The following SLIT2 variants were observed in gnomAD, a reference collection of about 807,000 sequenced individuals.
SLIT2 encodes slit homolog 2 protein.
SLIT2 carries 41 observed loss-of-function variants against 185.7 expected under a neutral mutation model. That is an observed-to-expected ratio of 0.22 (90% CI 0.17 to 0.29). SLIT2 has a LOEUF of 0.29. Among genes scored for constraint, SLIT2 ranks in the 10% least tolerant of loss-of-function variants. SLIT2 has a pLI of 1.00. For synonymous variants in SLIT2, 693 were observed against 680.2 expected, an observed-to-expected ratio of 1.02 and a Z score of -0.29; for missense variants, 1,571 against 1,909.0, an observed-to-expected ratio of 0.82 and a Z score of 3.30.
intron 4 of SLIT2, among the ~76,000 whole-genome samples, chr4:20,348,098 G>GTATT (rs1721575155): frequency 6.6e-6 from 1 of 152,112 alleles, no homozygotes; most frequent in Non-Finnish European, 1.5e-5. Flanking sequence ...ATGTATTTAC[G>GTATT]TATTTATTTA....
At chr4:20,498,362 C>A (rs563777639) in intron 9 of SLIT2, among the ~76,000 whole-genome samples, 8 of 152,276 alleles carry the variant, frequency 5.3e-5, no homozygotes, top group African/African-American at 1.7e-4. Context: ...AAACCTTATT[C>A]TTCAATAGTT....
At chr4:20,552,619 A>C (rs1412404782) in intron 25 of SLIT2, 1 of 152,126 alleles carries the variant, frequency 6.6e-6, no homozygotes, top group Non-Finnish European at 1.5e-5. Flanking sequence ...AAGGGTTTGA[A>C]TCTGACATAC....
intron 12 of SLIT2, 141 bp from the exon 13 acceptor site, chr4:20,523,619 C>T (rs927841205): frequency 1.8e-5 from 12 of 676,356 alleles, no homozygotes; most frequent in Non-Finnish European, 2.8e-5. Flanking sequence ...GCCTCTAATT[C>T]CTAAATTATT....
At position 20,251,934 on chromosome 4, in the gene SLIT2, G is replaced by A. The variant is rs1722071266; in HGVS notation, c.-1882G>A. Among the ~76,000 whole-genome samples, 2 of 152,156 alleles carry A rather than the reference G, an allele frequency of 1.3e-5. No homozygotes were observed. Reference sequence around the variant, plus strand: ...GGTGTTATTTATTTGGGAAGCGCCCGGACGGCGGAGCTTGGCGGCGGCGGT... The same window carrying A: ...GGTGTTATTTATTTGGGAAGCGCCCAGACGGCGGAGCTTGGCGGCGGCGGT... On this transcript the variant is annotated 5_prime_UTR_variant, in exon 1 of 37. Coordinates refer to ENST00000504154, the MANE Select transcript of SLIT2 (RefSeq NM_004787.4).
At chr4:20,517,838 A>G (rs921101658) in intron 11 of SLIT2, among the ~76,000 whole-genome samples, 2 of 152,046 alleles carry the variant, frequency 1.3e-5, no homozygotes, top group African/African-American at 2.4e-5. Flanking sequence ...AAAAGAGATT[A>G]TATACTGCTG....
chr4:20,509,130 C>G (rs1272781261), intron 9 of SLIT2, among the ~76,000 whole-genome samples: 3 of 151,056 alleles, frequency 2.0e-5, no homozygotes, highest in Non-Finnish European at 4.4e-5. Context: ...GATATTTATT[C>G]ATATTTAAAT....
intron 6 of SLIT2, among the ~76,000 whole-genome samples, chr4:20,481,038 A>T (rs563394922): frequency 6.6e-6 from 1 of 152,070 alleles, no homozygotes; most frequent in Non-Finnish European, 1.5e-5. Context: ...TTTTTATGAG[A>T]TTCATAGAAT....
intron 11 of SLIT2, among the ~76,000 whole-genome samples, chr4:20,513,996 A>C (rs970098025): frequency 6.6e-6 from 1 of 152,166 alleles, no homozygotes; most frequent in Non-Finnish European, 1.5e-5. Context: ...CAGGTCTGAG[A>C]CACTATAATT....
intron 26 of SLIT2, among the ~76,000 whole-genome samples, chr4:20,560,436 TTTAA>T (rs1393104489): frequency 6.6e-6 from 1 of 151,960 alleles, no homozygotes; most frequent in Non-Finnish European, 1.5e-5. Context: ...TCAGATCATA[TTTAA>T]TTAATACCCA....
chr4:20,555,888 A>G (rs1376149690), intron 26 of SLIT2, among the ~76,000 whole-genome samples: 1 of 151,900 alleles, frequency 6.6e-6, no homozygotes, highest in African/African-American at 2.4e-5. Flanking sequence ...TTGAATTCCT[A>G]TTTTCAATAC....
Position 20,595,847 on chromosome 4 carries a change from A to G in SLIT2, c.3320+13A>G, listed in dbSNP as rs1234315049. The stretch of plus-strand genomic sequence containing the variant: ...CCGAAGGTTACAGGTAAAAGCAGAA[A>G]TGAATAAGACCTAGTGTTCAATAAG... On this transcript the variant is annotated intron_variant, in intron 31 of 36. Transcript: ENST00000504154. 5 of 1,611,978 alleles carry G rather than the reference A, an allele frequency of 3.1e-6. No individual in the cohort carries two copies. The highest frequency in any genetic ancestry group is 3.3e-5 in the Admixed American group (2 of 59,948).
intron 4 of SLIT2, among the ~76,000 whole-genome samples, chr4:20,402,922 T>A (rs1726472997): frequency 6.6e-6 from 1 of 151,794 alleles, no homozygotes. Flanking sequence ...ATTAAAAAAA[T>A]AAGTAATACT....
intron 3 of SLIT2, among the ~76,000 whole-genome samples, chr4:20,265,162 T>G (rs1712894234): frequency 6.6e-6 from 1 of 151,914 alleles, no homozygotes; most frequent in African/African-American, 2.4e-5. Context: ...TTAAGCAAAT[T>G]TCTGTCACAA....
At chr4:20,321,444 T>G (rs1719072511) in intron 4 of SLIT2, among the ~76,000 whole-genome samples, 1 of 152,128 alleles carries the variant, frequency 6.6e-6, no homozygotes, top group South Asian at 2.1e-4. Context: ...TAGGAGTATA[T>G]GAGTAAAGAA....
In SLIT2 at chr4:20,620,161, A is replaced by G. The variant is rs1021463037; in HGVS notation, c.*1152A>G. On this transcript the variant is annotated 3_prime_UTR_variant, in exon 37 of 37. Transcript: ENST00000504154. The stretch of plus-strand genomic sequence containing the variant: ...TCACAGAAACGAAATGGTGTGTAGC[A>G]ATCAACACTAGAAAGTAGACCTTTT... 5 of 286,724 alleles carry G rather than the reference A, an allele frequency of 1.7e-5. No homozygotes were observed. Among genetic ancestry groups the G allele is most frequent in the South Asian group, 1.0e-4 (3 of 29,872 alleles). The allele number at this position is 286,724 out of a possible 1,614,324, so 17.8% of individuals were successfully genotyped here. A position where few individuals can be genotyped will look rare whatever the true frequency, so the allele number is the denominator to read the frequency against.
rs1726329852 is a variant in SLIT2 at position 20,401,190 on chromosome 4, G to T, written c.396-66562G>T. ...AATAAAGTCTAAGTTGTTGGTAAAA[G>T]GTGAATGATTTTCCCATCTCATCAT... On this transcript the variant is annotated intron_variant, in intron 4 of 36. Coordinates refer to ENST00000504154, the MANE Select transcript of SLIT2 (RefSeq NM_004787.4). Among the ~76,000 whole-genome samples, 4 of 151,804 alleles carry T rather than the reference G, an allele frequency of 2.6e-5. No homozygotes were observed. The South Asian group carries it at 6.2e-4, about 24-fold the overall frequency.
intron 26 of SLIT2, among the ~76,000 whole-genome samples, chr4:20,565,986 T>TATTTATTC (rs1725059842): frequency 6.6e-6 from 1 of 152,032 alleles, no homozygotes; most frequent in South Asian, 2.1e-4. Flanking sequence ...GTGGCCACCA[T>TATTTATTC]ATTTATTCAT....
At chr4:20,567,216 A>T in intron 26 of SLIT2, 46 bp from the exon 27 acceptor site, 1 of 1,550,338 alleles carries the variant, frequency 6.5e-7, no homozygotes. Context: ...AATTAAAAGT[A>T]AACTGGAAGA....
intron 29 of SLIT2, among the ~76,000 whole-genome samples, chr4:20,582,761 T>G (rs1179691908): frequency 2.0e-5 from 3 of 152,212 alleles, no homozygotes; most frequent in Non-Finnish European, 4.4e-5. Context: ...AAGGAAGCAC[T>G]TGACAGTTTC....
Sources: allele counts gnomAD v4.1 joint callset (sites outside exome capture counted in the v4.1 genomes callset), GRCh38; gene constraint gnomAD v4.1.1; transcripts MANE v1.5; gene names NCBI Gene and HGNC (gene_info 2026-07-23, HGNC 2026-07-21).